TTLL7: variants seen among roughly 807,000 people sequenced by gnomAD.
The protein encoded by TTLL7 is tubulin tyrosine ligase like 7.
TTLL7 carries 53 observed loss-of-function variants against 120.2 expected under a neutral mutation model. The ratio of observed to expected loss-of-function variants is 0.44; its 90% confidence interval spans 0.35 to 0.55. The LOEUF is 0.55. Among genes scored for constraint, TTLL7 ranks in the 20% least tolerant of loss-of-function variants. The pLI is 0.00. For synonymous variants in TTLL7, 353 were observed against 351.7 expected, an observed-to-expected ratio of 1.00 and a Z score of -0.04; for missense variants, 803 against 1,054.7, an observed-to-expected ratio of 0.76 and a Z score of 3.31.
Position 83,867,942 on chromosome 1 carries a change from C to T in TTLL7, c.*2020G>A, listed in dbSNP as rs1325837338. On this transcript the variant is annotated 3_prime_UTR_variant, in exon 21 of 21. Coordinates refer to ENST00000260505, the MANE Select transcript of TTLL7 (RefSeq NM_024686.6). The stretch of plus-strand genomic sequence containing the variant: ...CACTGTAATTTCCTTCATTCTGATA[C>T]CCTTATTCTCTTCTTCCACAAATAG... The T allele has an allele frequency of 2.6e-5, 4 of 152,034 alleles. No homozygotes were observed. Among genetic ancestry groups the T allele is most frequent in the Non-Finnish European group, 1.5e-5 (1 of 67,986 alleles). The allele number at this position is 152,034 out of a possible 1,614,324, so 9.4% of individuals were successfully genotyped here.
In TTLL7 at chr1:83,909,098, G is replaced by A. The variant is rs539939336; in HGVS notation, c.1787-1437C>T. ...AAAGAACTGCACATATTTAATGTGC[G>A]CCGAGAGCAAACTTATACTAAGAAA... is the stretch of plus-strand genomic sequence containing the variant. On this transcript the variant is annotated intron_variant, in intron 15 of 20. Coordinates refer to ENST00000260505, the MANE Select transcript of TTLL7 (RefSeq NM_024686.6). Among the ~76,000 whole-genome samples, 75 of 150,218 alleles carry A rather than the reference G, an allele frequency of 5.0e-4. 1 individual carries two copies. The highest frequency in any genetic ancestry group is 1.7e-3 in the African/African-American group (69 of 40,886).
chr1:83,885,753 C>T (rs1310969274), intron 19 of TTLL7, among the ~76,000 whole-genome samples: 5 of 152,100 alleles, frequency 3.3e-5, no homozygotes. Context: ...TACCTGCCAC[C>T]TGGCATAGCT....
intron 1 of TTLL7, among the ~76,000 whole-genome samples, chr1:83,961,327 T>C (rs1235803054): frequency 6.6e-6 from 1 of 152,064 alleles, no homozygotes; most frequent in African/African-American, 2.4e-5. Context: ...TTTAATCCCA[T>C]AAAAATTAAG....
intron 1 of TTLL7, among the ~76,000 whole-genome samples, chr1:83,957,621 G>A (rs1401604258): frequency 6.6e-6 from 1 of 152,110 alleles, no homozygotes; most frequent in African/African-American, 2.4e-5. Context: ...CATCTAATAG[G>A]TTGAAGTGGT....
At chr1:83,946,862 A>AGCT (rs1363959684) in intron 6 of TTLL7, among the ~76,000 whole-genome samples, 4 of 152,192 alleles carry the variant, frequency 2.6e-5, no homozygotes, top group African/African-American at 9.6e-5. Flanking sequence ...AACAGAGAAT[A>AGCT]GCTTTTTCCC....
At chr1:83,896,001 T>C (rs958643578) in intron 18 of TTLL7, among the ~76,000 whole-genome samples, 13 of 152,018 alleles carry the variant, frequency 8.6e-5, no homozygotes, top group African/African-American at 2.9e-4. Context: ...AATACTCACT[T>C]AATAATTTTA....
At chr1:83,900,007 A>C in intron 18 of TTLL7, 2 of 251,956 alleles carry the variant, frequency 7.9e-6, no homozygotes, top group South Asian at 8.4e-5. Flanking sequence ...TTTTCCTCTA[A>C]ATGTAGAAAG....
chr1:83,952,451 C>A, intron 1 of TTLL7, 64 bp from the exon 2 acceptor site: 1 of 393,638 alleles, frequency 2.5e-6, no homozygotes, highest in Non-Finnish European at 4.5e-6. Flanking sequence ...TCATATATGC[C>A]AAGACTATTC....
intron 20 of TTLL7, among the ~76,000 whole-genome samples, chr1:83,871,449 G>C (rs1000321924): frequency 1.3e-5 from 2 of 152,150 alleles, no homozygotes; most frequent in Admixed American, 6.5e-5. Context: ...TCCTAGTAAT[G>C]ATGAGGAGGA....
At chr1:83,966,654 G>C (rs1461305741) in intron 1 of TTLL7, among the ~76,000 whole-genome samples, 1 of 151,938 alleles carries the variant, frequency 6.6e-6, no homozygotes, top group African/African-American at 2.4e-5. Context: ...ATAGAAGTAA[G>C]GAAATGGGTA....
At chr1:83,909,257 C>CT (rs35504029) in intron 15 of TTLL7, among the ~76,000 whole-genome samples, 52,179 of 119,220 alleles carry the variant, frequency 0.44, 11,830 homozygotes, top group Non-Finnish European at 0.54. Flanking sequence ...TCACAGATTA[C>CT]TTTTTTTTTT....
rs1456998418 is a variant in TTLL7 at position 83,866,864 on chromosome 1, T to C, written c.*3098A>G. ...GATGGATTAGTCAAGTGAAAACTAG[T>C]TTGCAGTCTCAGACTACGTTTGTAA... On this transcript the variant is annotated 3_prime_UTR_variant, in exon 21 of 21. Transcript: ENST00000260505. 4 of 152,002 alleles carry C rather than the reference T, an allele frequency of 2.6e-5. No homozygotes were observed. The East Asian group carries it at 7.7e-4, about 29-fold the overall frequency. The allele number at this position is 152,002 out of a possible 1,614,324, so 9.4% of individuals were successfully genotyped here.
chr1:83,904,112 C>G lies in TTLL7; in HGVS notation c.2175G>C (p.Trp725Cys). The G allele has an allele frequency of 2.5e-6, 4 of 1,612,046 alleles. No individual in the cohort carries two copies. Among genetic ancestry groups the G allele is most frequent in the Non-Finnish European group, 3.4e-6 (4 of 1,178,960 alleles). The change falls in exon 18 of 21, where the codon TGG becomes TGC. Residue 725 changes from tryptophan to cysteine, a missense_variant. Trp to Cys is a radical substitution (Grantham distance 215). Around this residue, in one of 3 missense-constraint regions of TTLL7, gnomAD observed 388 missense variants for 450.4 expected, o/e 0.86. Transcript: ENST00000260505. The stretch of plus-strand genomic sequence containing the variant: ...GTTTTACAGAGTCCAATTTTATGAG[C>G]CAATATGAAGCCACTTTGGTTTTAT... The part of the protein sequence containing the change: ...KYHKTKVASY[W>C]LIKLDSVKQR...
At chr1:83,947,341 T>C in intron 5 of TTLL7, 59 bp from the exon 6 acceptor site, 11 of 1,451,406 alleles carry the variant, frequency 7.6e-6, no homozygotes, top group Non-Finnish European at 1.0e-5. Context: ...ATATTTTCTT[T>C]CTCTGGGCTA....
In TTLL7 at chr1:83,988,515, G is replaced by A. The variant is rs147782637; in HGVS notation, c.-177+10416C>T. On this transcript the variant is annotated intron_variant, in intron 1 of 20. Coordinates refer to ENST00000260505, the MANE Select transcript of TTLL7 (RefSeq NM_024686.6). The stretch of plus-strand genomic sequence containing the variant: ...ACATTCTCACCAGTAGTGTATAAGC[G>A]TTCTCTTTTCTCTGCAGCCTTGCTG... 5.0e-3 allele frequency among the ~76,000 whole-genome samples: 764 copies of A among 152,282 alleles called. 5 individuals carry two copies. Among genetic ancestry groups the A allele is most frequent in the Middle Eastern group, 0.01 (3 of 294 alleles).
chr1:83,985,149 T>C (rs1161654972), intron 1 of TTLL7, among the ~76,000 whole-genome samples: 3 of 152,058 alleles, frequency 2.0e-5, no homozygotes, highest in Non-Finnish European at 4.4e-5. Flanking sequence ...CAGAAGCTGG[T>C]AGTGGCTCAG....
At chr1:83,934,278 A>C (rs1331252091) in intron 8 of TTLL7, among the ~76,000 whole-genome samples, 1 of 152,220 alleles carries the variant, frequency 6.6e-6, no homozygotes, top group Non-Finnish European at 1.5e-5. Flanking sequence ...CAAGTAAAAC[A>C]AAGCTGATAA....
intron 18 of TTLL7, among the ~76,000 whole-genome samples, chr1:83,892,265 TAC>T (rs1342977535): frequency 6.0e-5 from 7 of 116,308 alleles, no homozygotes; most frequent in African/African-American, 1.1e-4. Flanking sequence ...TGAATATATA[TAC>T]GAATATATAT....
At chr1:83,972,961 T>C (rs1395587114) in intron 1 of TTLL7, among the ~76,000 whole-genome samples, 2 of 152,118 alleles carry the variant, frequency 1.3e-5, no homozygotes, top group Non-Finnish European at 2.9e-5. Flanking sequence ...TTGTATATTC[T>C]GGATAATAGT....
Sources: gnomAD v4.1 joint callset for allele counts (sites outside exome capture counted in the v4.1 genomes callset) on GRCh38, gnomAD v4.1.1 for gene constraint, gnomAD v4.1.1 regional missense constraint, MANE v1.5 for transcripts, NCBI Gene and HGNC (gene_info 2026-07-23, HGNC 2026-07-21) for gene names.